ZNF385B: variants seen among roughly 807,000 people sequenced by gnomAD.
The protein encoded by ZNF385B is zinc finger protein 385B, also known as zinc finger protein 533.
A neutral mutation model predicts 39.2 loss-of-function variants in ZNF385B; 23 were observed. The ratio of observed to expected loss-of-function variants is 0.59; its 90% CI spans 0.42 to 0.83. The LOEUF (loss-of-function observed/expected upper bound fraction) is 0.83. Ranked by LOEUF, ZNF385B falls within the 40% of genes least tolerant of loss-of-function variation. The pLI, the probability that ZNF385B is intolerant of heterozygous loss-of-function variation, is 0.00. For missense variants in ZNF385B, 552 were observed against 598.9 expected (o/e 0.92, Z 0.82); for synonymous variants, 205 against 222.6 (o/e 0.92, Z 0.70).
At chr2:179,823,950 T>C (rs1331203789) in intron 1 of ZNF385B, among the ~76,000 whole-genome samples, 4 of 152,178 alleles carry the variant, frequency 2.6e-5, no homozygotes, top group Non-Finnish European at 5.9e-5. Flanking sequence ...AGGTATTTAC[T>C]AGTTGGTGTA....
At chr2:179,564,479 C>T (rs944214922) in intron 3 of ZNF385B, among the ~76,000 whole-genome samples, 1 of 152,150 alleles carries the variant, frequency 6.6e-6, no homozygotes, top group South Asian at 2.1e-4. Context: ...TATCAATCAC[C>T]GTCTTTCTTT....
chr2:179,516,416 T>G (rs1223208792), intron 5 of ZNF385B, among the ~76,000 whole-genome samples: 1 of 152,054 alleles, frequency 6.6e-6, no homozygotes, highest in East Asian at 1.9e-4. Context: ...GTATGAGAGG[T>G]CCAGTTGCTC....
At chr2:179,835,033 A>G (rs1374149261) in intron 1 of ZNF385B, among the ~76,000 whole-genome samples, 1 of 152,212 alleles carries the variant, frequency 6.6e-6, no homozygotes, top group Non-Finnish European at 1.5e-5. Flanking sequence ...GAGACTAAAG[A>G]AATAGGACAA....
Position 179,690,305 on chromosome 2 carries a change from C to A in ZNF385B, c.298+79198G>T, listed in dbSNP as rs62175184. Among the ~76,000 whole-genome samples, 3 of 152,152 alleles carry A rather than the reference C, an allele frequency of 2.0e-5. No homozygotes were observed. The South Asian group carries it at 6.2e-4, about 32-fold the overall frequency. Reference sequence around the variant, plus strand: ...TCATGTGAACTCGGAGCTAGCTTCACGGAAAAGTGATCTAATTGTACAGTA... The same window carrying A: ...TCATGTGAACTCGGAGCTAGCTTCAAGGAAAAGTGATCTAATTGTACAGTA... On this transcript the variant is annotated intron_variant, in intron 3 of 9. Transcript: ENST00000410066.
intron 3 of ZNF385B, among the ~76,000 whole-genome samples, chr2:179,689,462 C>G (rs1339323402): frequency 6.6e-6 from 1 of 152,110 alleles, no homozygotes; most frequent in African/African-American, 2.4e-5. Flanking sequence ...ACTAATGGCC[C>G]TCGTGCAGAG....
intron 3 of ZNF385B, among the ~76,000 whole-genome samples, chr2:179,691,485 C>A (rs1480107144): frequency 5.9e-5 from 9 of 152,146 alleles, no homozygotes; most frequent in Non-Finnish European, 8.8e-5. Flanking sequence ...TTACCAAATG[C>A]TATGAGTGAT....
intron 3 of ZNF385B, among the ~76,000 whole-genome samples, chr2:179,762,934 T>C (rs1328551575): frequency 1.3e-5 from 2 of 152,104 alleles, no homozygotes; most frequent in Admixed American, 1.3e-4. Context: ...AGATGGAGTC[T>C]TGCTCTGTCT....
At chr2:179,477,023 C>T (rs1032916441) in intron 6 of ZNF385B, among the ~76,000 whole-genome samples, 1 of 152,110 alleles carries the variant, frequency 6.6e-6, no homozygotes, top group African/African-American at 2.4e-5. Context: ...TTCTTCCATT[C>T]AACATCACAA....
At chr2:179,507,184 A>C (rs2057312555) in intron 5 of ZNF385B, among the ~76,000 whole-genome samples, 1 of 152,234 alleles carries the variant, frequency 6.6e-6, no homozygotes, top group African/African-American at 2.4e-5. Context: ...GAAGCTGTGG[A>C]ACATTCATCC....
At chr2:179,728,347 A>G (rs1701154706) in intron 3 of ZNF385B, among the ~76,000 whole-genome samples, 1 of 152,168 alleles carries the variant, frequency 6.6e-6, no homozygotes, top group Admixed American at 6.5e-5. Flanking sequence ...CTTAAAGGAT[A>G]CTAAAAAAAA....
intron 1 of ZNF385B, among the ~76,000 whole-genome samples, chr2:179,852,921 T>C (rs911091350): frequency 2.0e-5 from 3 of 152,168 alleles, no homozygotes; most frequent in Admixed American, 6.5e-5. Context: ...ACCACATGCA[T>C]GGGAGAAAAG....
At chr2:179,525,925 A>G (rs1358967778) in intron 4 of ZNF385B, among the ~76,000 whole-genome samples, 1 of 152,216 alleles carries the variant, frequency 6.6e-6, no homozygotes, top group African/African-American at 2.4e-5. Flanking sequence ...AATCCTTGAA[A>G]ACTTCAATAG....
intron 1 of ZNF385B, among the ~76,000 whole-genome samples, chr2:179,854,066 G>A (rs548952949): frequency 1.1e-4 from 17 of 152,034 alleles, no homozygotes; most frequent in Admixed American, 3.3e-4. Flanking sequence ...AAATTGAAAT[G>A]GCTGTATTTA....
intron 5 of ZNF385B, among the ~76,000 whole-genome samples, chr2:179,515,318 T>A (rs1409038535): frequency 6.6e-6 from 1 of 152,184 alleles, no homozygotes; most frequent in Non-Finnish European, 1.5e-5. Context: ...ATTAGTGGAC[T>A]TCATAAAATG....
intron 3 of ZNF385B, among the ~76,000 whole-genome samples, chr2:179,607,365 A>C (rs1385042415): frequency 6.6e-6 from 1 of 152,062 alleles, no homozygotes; most frequent in Non-Finnish European, 1.5e-5. Context: ...GAGAGTTCTC[A>C]TGAGATCTGA....
chr2:179,672,046 T>C (rs1202067032), intron 3 of ZNF385B, among the ~76,000 whole-genome samples: 1 of 152,218 alleles, frequency 6.6e-6, no homozygotes, highest in Non-Finnish European at 1.5e-5. Flanking sequence ...GGCTATGCCC[T>C]ACAAAGCAGT....
intron 3 of ZNF385B, among the ~76,000 whole-genome samples, chr2:179,684,487 T>C (rs1241029163): frequency 2.0e-5 from 3 of 152,252 alleles, no homozygotes; most frequent in Non-Finnish European, 4.4e-5. Flanking sequence ...TACCATTATG[T>C]GGTTTAACAA....
intron 3 of ZNF385B, among the ~76,000 whole-genome samples, chr2:179,742,085 C>T (rs1702120889): frequency 6.6e-6 from 1 of 152,022 alleles, no homozygotes; most frequent in South Asian, 2.1e-4. Context: ...GTATAATACT[C>T]ATTAATTATT....
At chr2:179,720,443 G>A (rs1204713682) in intron 3 of ZNF385B, among the ~76,000 whole-genome samples, 14 of 126,332 alleles carry the variant, frequency 1.1e-4, no homozygotes, top group Admixed American at 6.5e-4. Flanking sequence ...GAGAGCAGGG[G>A]AGAGGGGAGG....
Sources: gnomAD v4.1 joint callset for allele counts (sites outside exome capture counted in the v4.1 genomes callset) on GRCh38, gnomAD v4.1.1 for gene constraint, MANE v1.5 for transcripts, NCBI Gene and HGNC (gene_info 2026-07-23, HGNC 2026-07-21) for gene names.